EEF2KMT: variants seen among roughly 807,000 people sequenced by gnomAD.
EEF2KMT encodes the protein protein-lysine N-methyltransferase EEF2KMT.
Under a neutral mutation model 35.1 loss-of-function variants are expected in EEF2KMT, and 30 were observed. The observed-to-expected ratio is 0.85, with a 90% CI of 0.64 to 1.16. The LOEUF is 1.16. EEF2KMT is among the 50% of genes most tolerant of loss of function. The probability of loss-of-function intolerance (pLI) is 0.00; values close to 1 mark genes in which losing one functional copy is unlikely to be tolerated. For synonymous variants in EEF2KMT, 190 were observed against 187.7 expected (o/e 1.01, Z -0.10); for missense variants, 499 against 438.2 (o/e 1.14, Z -1.24).
chr16:5,088,090 T>G (rs1957249467), intron 7 of EEF2KMT, among the ~76,000 whole-genome samples: 1 of 151,944 alleles, frequency 6.6e-6, no homozygotes. Context: ...TACAGGCGTG[T>G]GCAACCACAT....
chr16:5,091,443 C>G (rs575706682), intron 4 of EEF2KMT, among the ~76,000 whole-genome samples: 1 of 152,152 alleles, frequency 6.6e-6, no homozygotes, highest in Non-Finnish European at 1.5e-5. Flanking sequence ...GTCTCGAACT[C>G]CTGACCTCAG....
At chr16:5,091,495 G>A (rs142120516) in intron 4 of EEF2KMT, among the ~76,000 whole-genome samples, 109 of 152,154 alleles carry the variant, frequency 7.2e-4, no homozygotes, top group African/African-American at 2.5e-3. Flanking sequence ...GATTACAGGC[G>A]TGAGCCACCA....
chr16:5,089,635 G>A (rs988748351), intron 6 of EEF2KMT, among the ~76,000 whole-genome samples: 1 of 152,112 alleles, frequency 6.6e-6, no homozygotes, highest in Non-Finnish European at 1.5e-5. Context: ...CCTGGCCACC[G>A]CTGGACCTGT....
chr16:5,087,592 G>C (rs930477349), intron 7 of EEF2KMT, among the ~76,000 whole-genome samples: 1 of 152,176 alleles, frequency 6.6e-6, no homozygotes, highest in Admixed American at 6.5e-5. Context: ...GAGGTCAGGA[G>C]TTCAAGACCA....
chr16:5,092,186 G>A (rs2142770104), intron 3 of EEF2KMT, among the ~76,000 whole-genome samples: 1 of 152,302 alleles, frequency 6.6e-6, no homozygotes, highest in East Asian at 1.9e-4. Context: ...ACCTGGATGG[G>A]AGGGCCTTGA....
At position 5,084,747 on chromosome 16, in the gene EEF2KMT, C is replaced by G. The variant is rs780078713; in HGVS notation, c.*885G>C. On this transcript the variant is annotated 3_prime_UTR_variant, in exon 8 of 8. Coordinates refer to ENST00000427587, the MANE Select transcript of EEF2KMT (RefSeq NM_201400.4). ...GTAAGCTCTGCTCTTTATTTTTTTG[C>G]AGATGCTTTTCTCAAACTTTCCTGA... The G allele has an allele frequency of 6.3e-7, 1 of 1,596,414 alleles. No homozygotes were observed. Among genetic ancestry groups the G allele is most frequent in the South Asian group, 1.1e-5 (1 of 90,994 alleles).
chr16:5,095,541 T>C (rs1204294371), intron 1 of EEF2KMT, 27 bp from the exon 2 acceptor site: 2 of 1,610,812 alleles, frequency 1.2e-6, no homozygotes, highest in Admixed American at 3.3e-5. Flanking sequence ...GAGAGAAATC[T>C]CAAGGGCGCA....
At chr16:5,095,855 T>C in intron 1 of EEF2KMT, among the ~76,000 whole-genome samples, 2 of 55,714 alleles carry the variant, frequency 3.6e-5, no homozygotes, top group South Asian at 1.5e-3. Context: ...AGATGCAGAA[T>C]GTGCCCATAC....
At position 5,090,479 on chromosome 16, in the gene EEF2KMT, G is replaced by A; in HGVS notation, c.429C>T (p.Leu143=). 1 of 1,612,048 alleles carries A rather than the reference G, an allele frequency of 6.2e-7. No homozygotes were observed. ...TTGLVTWDAA[L]YLAEWAIENP... is the part of the protein sequence containing the mutation. ...TCTCGATGGCCCATTCTGCAAGGTAGAGGGCGGCGTCCCATGTGACCAGGC... is the reference window on the plus strand; with the variant it reads ...TCTCGATGGCCCATTCTGCAAGGTAAAGGGCGGCGTCCCATGTGACCAGGC... Residue 143 remains leucine, a synonymous_variant, in exon 5 of 8, where the codon CTC becomes CTT. Coordinates refer to ENST00000427587, the MANE Select transcript of EEF2KMT (RefSeq NM_201400.4). This position sits in a 1 kb window ranked among gnomAD's most constrained non-coding sequence, Gnocchi z 4.1.
intron 7 of EEF2KMT, among the ~76,000 whole-genome samples, 187 bp downstream of exon 7, chr16:5,088,917 CCCT>C (rs1249086288): frequency 1.3e-5 from 2 of 152,320 alleles, no homozygotes; most frequent in East Asian, 3.9e-4. Flanking sequence ...TGCTGAGCTG[CCCT>C]CCTCCTGCCG....
rs948866951 is a variant in EEF2KMT, at chr16:5,092,420, A to G, written c.241-525T>C. On this transcript the variant is annotated intron_variant, in intron 3 of 7. Coordinates refer to ENST00000427587, the MANE Select transcript of EEF2KMT (RefSeq NM_201400.4). The stretch of plus-strand genomic sequence containing the variant: ...GCTTCTCCACAGCTGGCCCCGTCCT[A>G]TGATTCACAGGGCAGCAGCAGAGTA... Among the ~76,000 whole-genome samples, 20 of 152,206 alleles carry G rather than the reference A, an allele frequency of 1.3e-4. 1 individual carries two copies. The highest frequency in any genetic ancestry group is 4.3e-4 in the African/African-American group (18 of 41,450).
In EEF2KMT at chr16:5,090,788, G is replaced by A. The variant is rs1412705931; in HGVS notation, c.343-223C>T. 6.6e-6 allele frequency among the ~76,000 whole-genome samples: 1 copy of A among 152,102 alleles called. No homozygotes were observed. The highest frequency in any genetic ancestry group is 1.5e-5 in the Non-Finnish European group (1 of 68,024). ...CAGGCCACACAGGATTCCATTCATC[G>A]AACCTTCCTGAGACAACGGAATTCT... On this transcript the variant is annotated intron_variant, in intron 4 of 7. Transcript: ENST00000427587. This position sits in a 1 kb window ranked among gnomAD's most constrained non-coding sequence, Gnocchi z 4.1.
chr16:5,087,195 C>G (rs561991538), intron 7 of EEF2KMT: 4 of 152,168 alleles, frequency 2.6e-5, no homozygotes, highest in Non-Finnish European at 5.9e-5. Context: ...TACACTAACA[C>G]TAGCAATACC....
rs1416107864 is a variant in EEF2KMT, at chr16:5,084,694, C to G, written c.*938G>C. ...GACCTGGGGTCAGCCAGGTGGTGAC[C>G]TGGGATGGGGTGGGGACAGGCAATG... On this transcript the variant is annotated 3_prime_UTR_variant, in exon 8 of 8. Coordinates refer to ENST00000427587, the MANE Select transcript of EEF2KMT (RefSeq NM_201400.4). The G allele has an allele frequency of 1.9e-6, 3 of 1,595,104 alleles. No individual in the cohort carries two copies. The highest frequency in any genetic ancestry group is 2.5e-6 in the Non-Finnish European group (3 of 1,179,540).
chr16:5,084,506 G>A lies in EEF2KMT; in HGVS notation c.*1126C>T. 1.5e-6 allele frequency: 1 copy of A among 656,762 alleles called. No individual in the cohort carries two copies. The highest frequency in any genetic ancestry group is 2.7e-6 in the Non-Finnish European group (1 of 377,228). 40.7% of individuals were successfully genotyped at this position (656,762 alleles called of 1,614,324 possible). A position where few individuals can be genotyped will look rare whatever the true frequency, so the allele number is the denominator to read the frequency against. ...ACAGGGGAATGGGCAGCACGTAGAG[G>A]CCGGGAGGTGCTCCAGGGCACCAAG... is the stretch of plus-strand genomic sequence containing the variant. On this transcript the variant is annotated 3_prime_UTR_variant, in exon 8 of 8. Transcript: ENST00000427587.
chr16:5,086,456 T>C (rs1957176229), intron 7 of EEF2KMT: 1 of 152,100 alleles, frequency 6.6e-6, no homozygotes, highest in Admixed American at 6.6e-5. Flanking sequence ...ATGATTCTTT[T>C]TTTTTGTTTT....
At position 5,090,599 on chromosome 16, in the gene EEF2KMT, C is replaced by G; in HGVS notation, c.343-34G>C. The G allele has an allele frequency of 6.2e-7, 1 of 1,611,484 alleles. No individual in the cohort carries two copies. The highest frequency in any genetic ancestry group is 8.5e-7 in the Non-Finnish European group (1 of 1,179,538). ...AGAGAAGGCGAGAGAGTCAGTCCAG[C>G]GATCAGAAGGCAAGTGGCTTAGAAG... On this transcript the variant is annotated intron_variant, in intron 4 of 7. Transcript: ENST00000427587. The surrounding 1 kb of genome is among the most constrained non-coding windows in gnomAD (Gnocchi z 4.1).
chr16:5,097,564 G>C, intron 1 of EEF2KMT, 80 bp downstream of exon 1: 1 of 1,521,674 alleles, frequency 6.6e-7, no homozygotes, highest in African/African-American at 1.4e-5. Flanking sequence ...AGCGCCAGGG[G>C]CTTCAGCACG....
chr16:5,086,203 C>T (rs1288577881), intron 7 of EEF2KMT, among the ~76,000 whole-genome samples: 2 of 151,976 alleles, frequency 1.3e-5, no homozygotes, highest in African/African-American at 2.4e-5. Flanking sequence ...GGCATGATGG[C>T]GAGTGCCTGT....
Sources: gnomAD v4.1 joint callset for allele counts (sites outside exome capture counted in the v4.1 genomes callset) on GRCh38, gnomAD v4.1.1 for gene constraint, Gnocchi (gnomAD v3.1) non-coding constraint, MANE v1.5 for transcripts, NCBI Gene and HGNC (gene_info 2026-07-23, HGNC 2026-07-21) for gene names.